XKR6: variants seen among roughly 807,000 people sequenced by gnomAD.
XKR6 encodes XK-related protein 6.
In XKR6, 22 loss-of-function variants were observed where a neutral mutation model predicts 56.7. The ratio of observed to expected loss-of-function variants is 0.39; its 90% confidence interval spans 0.28 to 0.55. The LOEUF (loss-of-function observed/expected upper bound fraction) is 0.55, where lower values mean the gene tolerates loss of function less well. XKR6 is among the 20% of genes least tolerant of loss of function. The pLI is 0.66. For synonymous variants in XKR6, 524 were observed against 387.8 expected, an observed-to-expected ratio of 1.35 and a Z score of -4.13; for missense variants, 852 against 889.0, an observed-to-expected ratio of 0.96 and a Z score of 0.53.
chr8:11,013,710 T>C (rs1358193673), intron 1 of XKR6, among the ~76,000 whole-genome samples: 1 of 152,220 alleles, frequency 6.6e-6, no homozygotes, highest in African/African-American at 2.4e-5. Context: ...CCTAGCTGGT[T>C]TGGAAACCAG....
intron 1 of XKR6, among the ~76,000 whole-genome samples, chr8:11,092,919 T>C (rs1031330340): frequency 2.0e-5 from 3 of 152,230 alleles, no homozygotes; most frequent in Non-Finnish European, 4.4e-5. Context: ...CTGGAGCAAC[T>C]GGCCCAGGAC....
intron 1 of XKR6, among the ~76,000 whole-genome samples, chr8:11,145,165 C>A (rs1460616303): frequency 6.6e-6 from 1 of 152,122 alleles, no homozygotes; most frequent in Non-Finnish European, 1.5e-5. Flanking sequence ...GAAATGCTCA[C>A]TGGAGCATTT....
intron 2 of XKR6, among the ~76,000 whole-genome samples, chr8:10,899,221 C>G (rs1799970381): frequency 1.3e-5 from 2 of 152,206 alleles, no homozygotes; most frequent in African/African-American, 4.8e-5. Context: ...CATGGGCAGC[C>G]CTTTGTGGGT....
At chr8:11,134,821 C>A (rs1392572299) in intron 1 of XKR6, among the ~76,000 whole-genome samples, 2 of 151,796 alleles carry the variant, frequency 1.3e-5, no homozygotes, top group Non-Finnish European at 2.9e-5. Flanking sequence ...TAGAAAAGGC[C>A]TAAATGACCA....
In XKR6 at chr8:11,132,625, G is replaced by A. The variant is rs544316522; in HGVS notation, c.764+67951C>T. ...GATCCACCCACCTCGATCTCCCAAAGTGCTGGGATGACACGTACGAGCCAC... is the reference window on the plus strand; with the variant it reads ...GATCCACCCACCTCGATCTCCCAAAATGCTGGGATGACACGTACGAGCCAC... On this transcript the variant is annotated intron_variant, in intron 1 of 2. Coordinates refer to ENST00000416569, the MANE Select transcript of XKR6 (RefSeq NM_173683.4). 2.6e-5 allele frequency among the ~76,000 whole-genome samples: 4 copies of A among 152,152 alleles called. No homozygotes were observed. The South Asian group carries it at 8.3e-4, about 32-fold the overall frequency.
chr8:10,930,387 C>T (rs1163274798), intron 1 of XKR6, among the ~76,000 whole-genome samples: 2 of 152,246 alleles, frequency 1.3e-5, no homozygotes, highest in East Asian at 3.9e-4. Context: ...AGAAATTGCA[C>T]CAACTGTACA....
chr8:10,946,295 C>T (rs986854713), intron 1 of XKR6, among the ~76,000 whole-genome samples: 20 of 152,026 alleles, frequency 1.3e-4, no homozygotes, highest in East Asian at 1.9e-4. Context: ...AAAGGACCCC[C>T]GACCCAAAGT....
rs762103721 is a variant in XKR6 at position 11,154,514 on chromosome 8, G to GT, written c.764+46061dup. ...CCTTTAATAAACCATAACAATAAGT[G>GT]TAACAGCTTTCAGTGAGTTCTATGA... On this transcript the variant is annotated intron_variant, in intron 1 of 2. Transcript: ENST00000416569. Among the ~76,000 whole-genome samples the GT allele has an allele frequency of 1.6e-4, 24 of 152,150 alleles. 1 individual carries two copies. Among genetic ancestry groups the GT allele is most frequent in the Non-Finnish European group, 3.2e-4 (22 of 68,042 alleles).
chr8:11,117,989 G>C (rs1188529747), intron 1 of XKR6, among the ~76,000 whole-genome samples: 1 of 152,088 alleles, frequency 6.6e-6, no homozygotes, highest in African/African-American at 2.4e-5. Flanking sequence ...CATCCAAACA[G>C]ACCGTTAGGA....
intron 1 of XKR6, among the ~76,000 whole-genome samples, chr8:11,183,027 T>C (rs1204799958): frequency 1.3e-5 from 2 of 152,224 alleles, no homozygotes; most frequent in East Asian, 1.9e-4. Context: ...TTCATCCATG[T>C]TGCAGCATGT....
intron 1 of XKR6, among the ~76,000 whole-genome samples, chr8:10,947,962 G>A (rs1345427905): frequency 1.3e-5 from 2 of 152,210 alleles, no homozygotes; most frequent in East Asian, 1.9e-4. Context: ...TGTCAGGCCT[G>A]GGGTTGGGTA....
At chr8:10,929,049 C>G (rs1800983841) in intron 1 of XKR6, among the ~76,000 whole-genome samples, 1 of 152,174 alleles carries the variant, frequency 6.6e-6, no homozygotes, top group African/African-American at 2.4e-5. Context: ...AGCAAGTCAC[C>G]TCCCATGGCT....
At chr8:11,120,138 C>T (rs184915383) in intron 1 of XKR6, among the ~76,000 whole-genome samples, 6 of 152,270 alleles carry the variant, frequency 3.9e-5, no homozygotes, top group Admixed American at 2.0e-4. Flanking sequence ...GACAGGGAGG[C>T]GCTCTCTCAC....
intron 1 of XKR6, among the ~76,000 whole-genome samples, chr8:11,150,631 T>C (rs1176657896): frequency 6.6e-6 from 1 of 152,052 alleles, no homozygotes; most frequent in Non-Finnish European, 1.5e-5. Flanking sequence ...GGCGGGTGGA[T>C]CACCTGAGGT....
At chr8:11,178,552 A>ATATATATATATG (rs1802784025) in intron 1 of XKR6, among the ~76,000 whole-genome samples, 1 of 117,222 alleles carries the variant, frequency 8.5e-6, no homozygotes, top group African/African-American at 5.6e-5. Context: ...GTAAAAATAT[A>ATATATATATATG]TATATATATA....
chr8:10,974,423 CG>C (rs1304957914), intron 1 of XKR6, among the ~76,000 whole-genome samples: 1 of 152,186 alleles, frequency 6.6e-6, no homozygotes, highest in Non-Finnish European at 1.5e-5. Flanking sequence ...TGAAACCACC[CG>C]CTCAGAGGGA....
chr8:10,928,282 C>T (rs544795683), intron 1 of XKR6, among the ~76,000 whole-genome samples: 1 of 152,214 alleles, frequency 6.6e-6, no homozygotes, highest in South Asian at 2.1e-4. Flanking sequence ...GCCTCTCATG[C>T]AGGAGGATCC....
chr8:11,067,279 C>A (rs978911083), intron 1 of XKR6, among the ~76,000 whole-genome samples: 2 of 152,178 alleles, frequency 1.3e-5, no homozygotes, highest in African/African-American at 4.8e-5. Context: ...TAAACCTGCA[C>A]ATTTGGCTTG....
At chr8:11,160,927 A>G (rs866347918) in intron 1 of XKR6, among the ~76,000 whole-genome samples, 34 of 151,268 alleles carry the variant, frequency 2.2e-4, no homozygotes, top group East Asian at 1.4e-3. Context: ...AAAAAAAAAA[A>G]AAAAGAAAAA....
Sources: allele counts gnomAD v4.1 joint callset (sites outside exome capture counted in the v4.1 genomes callset), GRCh38; gene constraint gnomAD v4.1.1; transcripts MANE v1.5; gene names NCBI Gene and HGNC (gene_info 2026-07-23, HGNC 2026-07-21).